Variants in ARHGEF2 observed in about 807,000 individuals in gnomAD.
ARHGEF2 encodes the protein Rho/Rac guanine nucleotide exchange factor 2.
In ARHGEF2, 22 loss-of-function variants were observed where a neutral mutation model predicts 121.0. The observed-to-expected ratio is 0.18, with a 90% CI of 0.13 to 0.26. The LOEUF is 0.26. Ranked by LOEUF, ARHGEF2 falls within the 10% of genes least tolerant of loss-of-function variation. The pLI is 1.00. For synonymous variants in ARHGEF2, 487 were observed against 530.0 expected (o/e 0.92, Z 1.11); for missense variants, 907 against 1,336.0 (o/e 0.68, Z 5.01).
At chr1:155,964,201 T>C (rs1423430635) in intron 7 of ARHGEF2, among the ~76,000 whole-genome samples, 32 of 114,738 alleles carry the variant, frequency 2.8e-4, no homozygotes, top group South Asian at 5.5e-4. Flanking sequence ...TATATATACA[T>C]ATATATATAT....
At chr1:155,963,552 G>A (rs1023587735) in intron 7 of ARHGEF2, among the ~76,000 whole-genome samples, 1 of 151,332 alleles carries the variant, frequency 6.6e-6, no homozygotes, top group African/African-American at 2.4e-5. Flanking sequence ...CTTCATATTG[G>A]TCAGGCTGGT....
At chr1:155,959,324 C>A (rs1677409955) in intron 11 of ARHGEF2, among the ~76,000 whole-genome samples, 1 of 152,156 alleles carries the variant, frequency 6.6e-6, no homozygotes. Context: ...TCTTGGCTCA[C>A]TGCAACTTCT....
intron 1 of ARHGEF2, chr1:155,977,924 C>T (rs1433085369): frequency 3.8e-6 from 1 of 260,490 alleles, no homozygotes; most frequent in Non-Finnish European, 6.1e-6. Context: ...AAAGGGGGAA[C>T]GACCAAGCCA....
Position 155,955,723 on chromosome 1 carries a change from A to T in ARHGEF2, c.1716-754T>A, listed in dbSNP as rs1676513126. ...AATATTATTAATTTCCACAATTATA[A>T]TTTTTTTTTTGAGAGAGAGTCTTGC... On this transcript the variant is annotated intron_variant, in intron 13 of 21. Transcript: ENST00000361247. Among the ~76,000 whole-genome samples, 3 of 150,484 alleles carry T rather than the reference A, an allele frequency of 2.0e-5. No homozygotes were observed. In the South Asian group the frequency reaches 6.3e-4, roughly 32 times the overall value.
At chr1:155,974,648 A>T (rs1681012765) in intron 1 of ARHGEF2, among the ~76,000 whole-genome samples, 1 of 152,136 alleles carries the variant, frequency 6.6e-6, no homozygotes, top group South Asian at 2.1e-4. Flanking sequence ...CTGCACACAC[A>T]AAGGCACTTA....
At chr1:155,964,163 AAAAAATATATATATAT>A (rs1224703729) in intron 7 of ARHGEF2, among the ~76,000 whole-genome samples, 3 of 85,478 alleles carry the variant, frequency 3.5e-5, no homozygotes, top group African/African-American at 1.8e-4. Flanking sequence ...AAAAAAAAAA[AAAAAATATATATATAT>A]ATATATATAT....
chr1:155,964,168 ATATATATATATAT>A (rs1343724684), intron 7 of ARHGEF2, among the ~76,000 whole-genome samples: 1 of 55,230 alleles, frequency 1.8e-5, no homozygotes, highest in Admixed American at 1.8e-4. Flanking sequence ...AAAAAAAAAA[ATATATATATATAT>A]ATATATATAT....
rs1185571677 is a variant in ARHGEF2 at position 155,965,710 on chromosome 1, G to A, written c.391C>T (p.Arg131Trp). Reference protein sequence around the residue: ...SSAIYPSDSFRQSLLGSRRGR... With the variant: ...SSAIYPSDSFWQSLLGSRRGR... ...CGGCGGGAGCCCAGGAGGGACTGCC[G>A]GAAGCTGTCGGAGGGGTAGATGGCC... Residue 131 changes from arginine (R) to tryptophan (W), a missense_variant, in exon 5 of 22, where the codon CGG becomes TGG. By Grantham distance (101) the Arg-to-Trp change is moderately radical. This residue lies in a region of ARHGEF2 where 475 missense variants were observed against 776.5 expected (regional missense o/e 0.61). Transcript: ENST00000361247. This position sits in a 1 kb window ranked among gnomAD's most constrained non-coding sequence, Gnocchi z 6.0. 1.2e-6 allele frequency: 2 copies of A among 1,605,996 alleles called. No individual in the cohort carries two copies. The highest frequency in any genetic ancestry group is 3.5e-5 in the Admixed American group (2 of 57,128).
At position 155,950,150 on chromosome 1, in the gene ARHGEF2, C is replaced by T. The variant is rs1045672682; in HGVS notation, c.2887+149G>A. The T allele has an allele frequency of 2.5e-5, 24 of 943,418 alleles. No homozygotes were observed. The highest frequency in any genetic ancestry group is 4.9e-5 in the African/African-American group (3 of 60,954). 58.4% of individuals were successfully genotyped at this position (943,418 alleles called of 1,614,324 possible). ...CCTCCTGCTTCCTAGACTTCCACCA[C>T]CCATTCATCATCAGACAAAACAGGA... is the stretch of plus-strand genomic sequence containing the variant. On this transcript the variant is annotated intron_variant, in intron 21 of 21. Coordinates refer to ENST00000361247, the MANE Select transcript of ARHGEF2 (RefSeq NM_001162383.2). This position sits in a 1 kb window ranked among gnomAD's most constrained non-coding sequence, Gnocchi z 5.2.
At chr1:155,955,485 G>C (rs886205824) in intron 13 of ARHGEF2, among the ~76,000 whole-genome samples, 1 of 152,074 alleles carries the variant, frequency 6.6e-6, no homozygotes, top group Non-Finnish European at 1.5e-5. Context: ...AAGGTCGCTT[G>C]GAAAGGCAGC....
In ARHGEF2 at chr1:155,959,817, G is replaced by A. The variant is rs929646687; in HGVS notation, c.1469-1421C>T. On this transcript the variant is annotated intron_variant, in intron 11 of 21. Coordinates refer to ENST00000361247, the MANE Select transcript of ARHGEF2 (RefSeq NM_001162383.2). Reference sequence around the variant, plus strand: ...GCCTGATTCAGCCTCCCAAAGTGCTGAGATTATAGGGATGAGCCACCGTGC... The same window carrying A: ...GCCTGATTCAGCCTCCCAAAGTGCTAAGATTATAGGGATGAGCCACCGTGC... 3.3e-5 allele frequency among the ~76,000 whole-genome samples: 5 copies of A among 152,194 alleles called. No homozygotes were observed. The East Asian group carries it at 9.6e-4, about 29-fold the overall frequency.
At chr1:155,969,507 C>G (rs757782177) in intron 1 of ARHGEF2, 3 of 1,410,266 alleles carry the variant, frequency 2.1e-6, no homozygotes, top group Admixed American at 2.9e-5. Context: ...GCAGCCAGCC[C>G]GGATGGGTTC....
In ARHGEF2 at chr1:155,965,507, C is replaced by T; in HGVS notation, c.471-95G>A. ...AAGCCAGGATCCAAGAGGCGGTCCC[C>T]CTAAGTTCTCCTTATTTGTCTGTCT... On this transcript the variant is annotated intron_variant, in intron 5 of 21. Coordinates refer to ENST00000361247, the MANE Select transcript of ARHGEF2 (RefSeq NM_001162383.2). The surrounding 1 kb of genome is among the most constrained non-coding windows in gnomAD (Gnocchi z 6.0). 1.9e-6 allele frequency: 3 copies of T among 1,601,824 alleles called. No individual in the cohort carries two copies. Among genetic ancestry groups the T allele is most frequent in the South Asian group, 2.2e-5 (2 of 90,396 alleles).
intron 1 of ARHGEF2, chr1:155,970,230 C>T (rs1310711211): frequency 1.3e-5 from 13 of 985,170 alleles, no homozygotes; most frequent in Non-Finnish European, 1.6e-5. Flanking sequence ...CCGCAGATGG[C>T]GCACACCTTC....
chr1:155,970,271 C>G, intron 1 of ARHGEF2: 1 of 985,606 alleles, frequency 1.0e-6, no homozygotes, highest in Non-Finnish European at 1.2e-6. Context: ...TTTTCCATCT[C>G]TGCTGTCTCC....
In ARHGEF2 at chr1:155,951,868, C is replaced by A; in HGVS notation, c.2172+51G>T. 6.2e-7 allele frequency: 1 copy of A among 1,612,184 alleles called. No homozygotes were observed. Among genetic ancestry groups the A allele is most frequent in the Non-Finnish European group, 8.5e-7 (1 of 1,178,946 alleles). On this transcript the variant is annotated intron_variant, in intron 17 of 21. Transcript: ENST00000361247. The surrounding 1 kb of genome is among the most constrained non-coding windows in gnomAD (Gnocchi z 5.1). Reference sequence around the variant, plus strand: ...TTTGTGTTGAGGATCCAGAGGCTGGCTGTCCCTCTCCCACCCTCTTGCCAA... The same window carrying A: ...TTTGTGTTGAGGATCCAGAGGCTGGATGTCCCTCTCCCACCCTCTTGCCAA...
At chr1:155,954,442 C>G (rs1391896404) in intron 14 of ARHGEF2, among the ~76,000 whole-genome samples, 2 of 147,684 alleles carry the variant, frequency 1.4e-5, no homozygotes, top group Non-Finnish European at 3.0e-5. Context: ...CGCCACCACC[C>G]CCGACTAATT....
intron 11 of ARHGEF2, among the ~76,000 whole-genome samples, chr1:155,958,846 TG>T (rs1354739102): frequency 1.4e-5 from 2 of 145,008 alleles, no homozygotes; most frequent in Non-Finnish European, 3.0e-5. Context: ...CCCAAAGTGC[TG>T]GGATTACAGA....
chr1:155,962,108 G>A lies in ARHGEF2; in HGVS notation c.1216C>T (p.His406Tyr). ...TCTCCTGGGCCTGCCTACTCACCGT[G>A]GGAATGCTGCAGGATGCGGCTGATG... is the stretch of plus-strand genomic sequence containing the variant. ...LLISRILQHS[H>Y]GIEEERQDLT... Residue 406 changes from histidine (H) to tyrosine (Y), a missense_variant, in exon 10 of 22, where the codon CAC (histidine) becomes TAC (tyrosine). Transcript: ENST00000361247. The surrounding 1 kb of genome is among the most constrained non-coding windows in gnomAD (Gnocchi z 5.8). The A allele has an allele frequency of 6.2e-7, 1 of 1,614,108 alleles. No individual in the cohort carries two copies. Among genetic ancestry groups the A allele is most frequent in the South Asian group, 1.1e-5 (1 of 91,084 alleles).
Sources: allele counts gnomAD v4.1 joint callset (sites outside exome capture counted in the v4.1 genomes callset), GRCh38; gene constraint gnomAD v4.1.1; regional missense constraint gnomAD v4.1.1; non-coding constraint Gnocchi (gnomAD v3.1); transcripts MANE v1.5; gene names NCBI Gene and HGNC (gene_info 2026-07-23, HGNC 2026-07-21).